Variants in SCLT1 observed in about 807,000 individuals in gnomAD.
SCLT1 encodes the protein sodium channel-associated protein 1.
A neutral mutation model predicts 112.8 loss-of-function variants in SCLT1; 78 were observed. The observed-to-expected ratio is 0.69, with a 90% CI of 0.58 to 0.83. The LOEUF is 0.83. SCLT1 is among the 40% of genes least tolerant of loss of function. The pLI is 0.00. For synonymous variants in SCLT1, 257 were observed against 254.7 expected, an observed-to-expected ratio of 1.01 and a Z score of -0.09; for missense variants, 747 against 770.4, an observed-to-expected ratio of 0.97 and a Z score of 0.36.
chr4:128,881,597 TAAAG>T (rs1479671145), downstream of SCLT1, among the ~76,000 whole-genome samples: 1 of 152,044 alleles, frequency 6.6e-6, no homozygotes, highest in African/African-American at 2.4e-5. Flanking sequence ...GGAGAAACAA[TAAAG>T]AAACATGAAT....
At position 128,952,947 on chromosome 4, in the gene SCLT1, T is replaced by C. The variant is rs969897135; in HGVS notation, c.1147-107A>G. On this transcript the variant is annotated intron_variant, in intron 13 of 20. Transcript: ENST00000281142. ...TTTGATAAAAATAAAATTGTAACTT[T>C]TAGGGCATAAAAGACAAATAAGCAC... The C allele has an allele frequency of 1.3e-5, 9 of 677,790 alleles. No individual in the cohort carries two copies. In the Admixed American group the frequency reaches 2.0e-4, roughly 15 times the overall value. 42.0% of individuals were successfully genotyped at this position (677,790 alleles called of 1,614,324 possible). A position where few individuals can be genotyped will look rare whatever the true frequency, so the allele number is the denominator to read the frequency against.
At chr4:128,940,742 A>G (rs1169720317) in intron 17 of SCLT1, among the ~76,000 whole-genome samples, 1 of 151,832 alleles carries the variant, frequency 6.6e-6, no homozygotes, top group African/African-American at 2.4e-5. Context: ...GGGACTTTAT[A>G]TATTTTTTTT....
At chr4:128,976,272 T>A (rs1208177734) in intron 9 of SCLT1, among the ~76,000 whole-genome samples, 1 of 152,116 alleles carries the variant, frequency 6.6e-6, no homozygotes. Flanking sequence ...TTTTTCAGAG[T>A]CTCTACAGGG....
rs1048963107 is a variant in SCLT1, at chr4:128,908,284, T to C, written c.1830-17147A>G. On this transcript the variant is annotated intron_variant, in intron 18 of 20. Coordinates refer to ENST00000281142, the MANE Select transcript of SCLT1 (RefSeq NM_144643.4). ...CATGTGCCAGATGTTTTTTTCTTTT[T>C]CCTGTTGAATTATGCTATAATATGC... Among the ~76,000 whole-genome samples, 4 of 152,156 alleles carry C rather than the reference T, an allele frequency of 2.6e-5. No individual in the cohort carries two copies. The East Asian group carries it at 7.7e-4, about 29-fold the overall frequency.
chr4:128,952,767 A>C lies in SCLT1; in HGVS notation c.1218+2T>G. On this transcript the variant is annotated splice_donor_variant, in intron 14 of 20. Coordinates refer to ENST00000281142, the MANE Select transcript of SCLT1 (RefSeq NM_144643.4). LOFTEE classifies it high-confidence loss of function. ...AGAAAATATCAGTATAGTCAAACAT[A>C]CCATTTGAAGGGCTGAAAGTTCTTC... 2 of 1,484,050 alleles carry C rather than the reference A, an allele frequency of 1.3e-6. No individual in the cohort carries two copies. The highest frequency in any genetic ancestry group is 1.9e-6 in the Non-Finnish European group (2 of 1,061,740). The allele number at this position is 1,484,050 out of a possible 1,614,324, so 91.9% of individuals were successfully genotyped here. A position where few individuals can be genotyped will look rare whatever the true frequency, so the allele number is the denominator to read the frequency against.
rs1351274279 is a variant in SCLT1, at chr4:128,952,829, G to C, written c.1158C>G (p.Thr386=). ...AAATTTGTATATTACATTGTTTTTTGGTGTTTGCAACCTGTAAATTAAGAC... is the reference window on the plus strand; with the variant it reads ...AAATTTGTATATTACATTGTTTTTTCGTGTTTGCAACCTGTAAATTAAGAC... ...TIRTKKEVAN[T]KKQCNIQISR... is the part of the protein sequence containing the mutation. The change falls in exon 14 of 21, where the codon ACC becomes ACG. Residue 386 remains threonine, a synonymous_variant. Transcript: ENST00000281142. 2 of 1,547,018 alleles carry C rather than the reference G, an allele frequency of 1.3e-6. No homozygotes were observed. The highest frequency in any genetic ancestry group is 4.5e-5 in the East Asian group (2 of 44,490).
At chr4:129,060,400 A>G (rs556286765) in intron 2 of SCLT1, among the ~76,000 whole-genome samples, 1 of 151,616 alleles carries the variant, frequency 6.6e-6, no homozygotes, top group Admixed American at 6.6e-5. Context: ...TTCCTTTTTC[A>G]TGTTTCTTGT....
chr4:129,053,724 C>CTT (rs1749077170), intron 2 of SCLT1, among the ~76,000 whole-genome samples: 1 of 151,810 alleles, frequency 6.6e-6, no homozygotes, highest in South Asian at 2.1e-4. Flanking sequence ...CAGTCTGTGT[C>CTT]TTTTAATTGG....
At chr4:128,974,356 T>C (rs551181981) in intron 9 of SCLT1, among the ~76,000 whole-genome samples, 18 of 151,936 alleles carry the variant, frequency 1.2e-4, no homozygotes, top group African/African-American at 4.3e-4. Flanking sequence ...ATTTGTTTAC[T>C]GATAATTTTC....
At chr4:128,974,007 G>A (rs190938857) in intron 9 of SCLT1, among the ~76,000 whole-genome samples, 36 of 152,232 alleles carry the variant, frequency 2.4e-4, no homozygotes, top group African/African-American at 8.7e-4. Context: ...TGTGAACTGG[G>A]CCAATCACTT....
intron 5 of SCLT1, among the ~76,000 whole-genome samples, chr4:129,014,434 T>C (rs1385279687): frequency 5.3e-5 from 8 of 152,236 alleles, no homozygotes. Flanking sequence ...CTCATCTTTG[T>C]GGGTTTATCC....
At chr4:129,049,458 A>T (rs1441277639) in intron 2 of SCLT1, among the ~76,000 whole-genome samples, 1 of 121,130 alleles carries the variant, frequency 8.3e-6, no homozygotes, top group Non-Finnish European at 1.6e-5. Context: ...GAAGGGGAAC[A>T]TCACACTCTG....
At chr4:129,012,184 C>T (rs1744590814) in intron 5 of SCLT1, among the ~76,000 whole-genome samples, 1 of 152,148 alleles carries the variant, frequency 6.6e-6, no homozygotes, top group Non-Finnish European at 1.5e-5. Context: ...TATAAATTCC[C>T]TCTTAACACT....
At chr4:129,021,919 T>C (rs927533295) in intron 5 of SCLT1, among the ~76,000 whole-genome samples, 26 of 152,080 alleles carry the variant, frequency 1.7e-4, no homozygotes, top group Admixed American at 1.5e-3. Flanking sequence ...ATAGGAGAGC[T>C]CCAGCTGGCA....
intron 2 of SCLT1, among the ~76,000 whole-genome samples, chr4:129,050,190 C>A (rs1310332563): frequency 6.6e-6 from 1 of 152,106 alleles, no homozygotes; most frequent in Non-Finnish European, 1.5e-5. Context: ...AATAGTGCTT[C>A]AATAAACATA....
intron 2 of SCLT1, among the ~76,000 whole-genome samples, chr4:129,057,749 CTTTTTT>C (rs996397740): frequency 6.9e-6 from 1 of 145,342 alleles, no homozygotes; most frequent in Non-Finnish European, 1.5e-5. Context: ...ATTTGTATTT[CTTTTTT>C]TTTTCTTTTT....
chr4:128,895,615 C>A lies in SCLT1; in HGVS notation c.1830-4478G>T, dbSNP rs1314870407. ...TCTACAGCTCCCAGCATGAGCAACG[C>A]AGAAGATGGGTGATTTCTGCATTTC... On this transcript the variant is annotated intron_variant, in intron 18 of 20. Coordinates refer to ENST00000281142, the MANE Select transcript of SCLT1 (RefSeq NM_144643.4). 5.3e-5 allele frequency among the ~76,000 whole-genome samples: 8 copies of A among 152,268 alleles called. No homozygotes were observed. In the East Asian group the frequency reaches 1.2e-3, roughly 22 times the overall value.
intron 2 of SCLT1, among the ~76,000 whole-genome samples, chr4:129,049,414 A>G (rs1487323365): frequency 7.0e-6 from 1 of 143,586 alleles, no homozygotes; most frequent in Non-Finnish European, 1.5e-5. Flanking sequence ...TCACTCATAG[A>G]TGGGAATTGA....
At chr4:128,908,152 TGA>T (rs1450777206) in intron 18 of SCLT1, among the ~76,000 whole-genome samples, 2 of 152,132 alleles carry the variant, frequency 1.3e-5, no homozygotes, top group South Asian at 2.1e-4. Flanking sequence ...CTATATTATA[TGA>T]GAGAATTAAA....
Sources: gnomAD v4.1 joint callset for allele counts (sites outside exome capture counted in the v4.1 genomes callset) on GRCh38, gnomAD v4.1.1 for gene constraint, MANE v1.5 for transcripts, NCBI Gene and HGNC (gene_info 2026-07-23, HGNC 2026-07-21) for gene names.